Variants in UBE4B observed in about 807,000 individuals in gnomAD.
UBE4B encodes ubiquitin conjugation factor E4 B.
UBE4B carries 27 observed loss-of-function variants against 148.1 expected under a neutral mutation model. The ratio of observed to expected loss-of-function variants is 0.18; its 90% CI spans 0.13 to 0.25. The LOEUF (loss-of-function observed/expected upper bound fraction) is 0.25, where lower values mean the gene tolerates loss of function less well. UBE4B is among the 10% of genes least tolerant of loss of function. The pLI, the probability that UBE4B is intolerant of heterozygous loss-of-function variation, is 1.00. For missense variants in UBE4B, 1,170 were observed against 1,662.4 expected (o/e 0.70, Z 5.15); for synonymous variants, 596 against 619.3 (o/e 0.96, Z 0.56).
intron 21 of UBE4B, among the ~76,000 whole-genome samples, chr1:10,154,743 A>C (rs1397666342): frequency 1.3e-5 from 2 of 151,938 alleles, no homozygotes; most frequent in African/African-American, 4.8e-5. Context: ...TCTGGAGTCT[A>C]AGGCAGATGA....
At chr1:10,083,002 G>A (rs1005209435) in intron 2 of UBE4B, among the ~76,000 whole-genome samples, 3 of 151,984 alleles carry the variant, frequency 2.0e-5, no homozygotes, top group Middle Eastern at 3.4e-3. Flanking sequence ...TCTTTTTTAC[G>A]GCTGCATAGT....
Position 10,132,454 on chromosome 1 carries a change from A to G in UBE4B, c.1997A>G (p.Asn666Ser), listed in dbSNP as rs1406616128. Residue 666 changes from asparagine (N) to serine (S), a missense_variant, in exon 15 of 28, where the codon AAT (asparagine) becomes AGT (serine). Asn to Ser is a conservative substitution (Grantham distance 46, BLOSUM62 1). Coordinates refer to ENST00000343090, the MANE Select transcript of UBE4B (RefSeq NM_001105562.3). ...CTCAGTTACATGGCGGCTGTCGTCA[A>G]TGCCAATATGAAGAAAGCACAGATG... Reference protein sequence around the residue: ...AALSYMAAVVNANMKKAQMQT... With the variant: ...AALSYMAAVVSANMKKAQMQT... The G allele has an allele frequency of 3.1e-6, 5 of 1,614,202 alleles. No individual in the cohort carries two copies. Among genetic ancestry groups the G allele is most frequent in the Admixed American group, 1.7e-5 (1 of 60,018 alleles).
chr1:10,043,542 T>C (rs527281896), intron 1 of UBE4B, among the ~76,000 whole-genome samples: 13 of 148,030 alleles, frequency 8.8e-5, no homozygotes, highest in Non-Finnish European at 1.8e-4. Context: ...TTTTCCTGCC[T>C]CAGCCTCCCA....
intron 7 of UBE4B, chr1:10,107,279 TGAA>T (rs974104438): frequency 1.6e-5 from 20 of 1,289,476 alleles, no homozygotes; most frequent in East Asian, 5.5e-5. Context: ...ACAGTAGTGA[TGAA>T]GAAGATGAAG....
In UBE4B at chr1:10,102,934, T is replaced by A. The variant is rs769753754; in HGVS notation, c.436-14T>A. The A allele has an allele frequency of 1.9e-6, 3 of 1,595,990 alleles. No individual in the cohort carries two copies. Among genetic ancestry groups the A allele is most frequent in the Middle Eastern group, 1.7e-4 (1 of 5,842 alleles). On this transcript the variant is annotated splice_polypyrimidine_tract_variant and intron_variant, in intron 4 of 27. Transcript: ENST00000343090. ...CTTATTTGAAATTAACCTGCAAATC[T>A]TCTTCTTCACCAGGAGCCTTCCTCG...
intron 23 of UBE4B, among the ~76,000 whole-genome samples, chr1:10,167,318 A>G (rs1571021260): frequency 6.6e-6 from 1 of 151,660 alleles, no homozygotes; most frequent in East Asian, 2.0e-4. Flanking sequence ...ACATGCCTGT[A>G]GTCCCAGCTA....
chr1:10,083,794 A>G lies in UBE4B; in HGVS notation c.211+11580A>G, dbSNP rs532148931. Among the ~76,000 whole-genome samples, 6 of 152,280 alleles carry G rather than the reference A, an allele frequency of 3.9e-5. No homozygotes were observed. In the East Asian group the frequency reaches 7.7e-4, roughly 20 times the overall value. On this transcript the variant is annotated intron_variant, in intron 2 of 27. Coordinates refer to ENST00000343090, the MANE Select transcript of UBE4B (RefSeq NM_001105562.3). ...TGGAACAGGTGTGTCCTATGCTGGCATGGGTACTTCCTCGAATTGGACTGG... is the reference window on the plus strand; with the variant it reads ...TGGAACAGGTGTGTCCTATGCTGGCGTGGGTACTTCCTCGAATTGGACTGG...
intron 1 of UBE4B, among the ~76,000 whole-genome samples, chr1:10,063,236 C>T (rs541428650): frequency 1.3e-5 from 2 of 152,202 alleles, no homozygotes; most frequent in African/African-American, 4.8e-5. Flanking sequence ...CCTCTGCACT[C>T]CCGCCTGGGT....
rs765526877 is a variant in UBE4B at position 10,129,374 on chromosome 1, C to T, written c.1639-18C>T. ...TTTAAGATGAAATGCATTTAAATGA[C>T]TCTGATCTTATTTCTAGGCACTAGG... On this transcript the variant is annotated intron_variant, in intron 11 of 27. Coordinates refer to ENST00000343090, the MANE Select transcript of UBE4B (RefSeq NM_001105562.3). 19 of 1,607,008 alleles carry T rather than the reference C, an allele frequency of 1.2e-5. No individual in the cohort carries two copies. Among genetic ancestry groups the T allele is most frequent in the Non-Finnish European group, 1.4e-5 (17 of 1,174,108 alleles).
At chr1:10,142,457 G>A (rs1645798129) in intron 17 of UBE4B, among the ~76,000 whole-genome samples, 1 of 152,106 alleles carries the variant, frequency 6.6e-6, no homozygotes, top group Admixed American at 6.5e-5. Flanking sequence ...GATCACATGA[G>A]GTCAGGAGTT....
At chr1:10,057,420 CTTTT>C (rs1359827824) in intron 1 of UBE4B, among the ~76,000 whole-genome samples, 4 of 132,910 alleles carry the variant, frequency 3.0e-5, no homozygotes, top group African/African-American at 8.3e-5. Context: ...AGTCTTTTCT[CTTTT>C]TTTTTTTTTT....
chr1:10,154,231 G>C (rs971688297), intron 21 of UBE4B, among the ~76,000 whole-genome samples: 1 of 151,748 alleles, frequency 6.6e-6, no homozygotes, highest in Non-Finnish European at 1.5e-5. Flanking sequence ...GACAGAGCAA[G>C]ACTTCATCTC....
chr1:10,083,546 T>G (rs986511186), intron 2 of UBE4B, among the ~76,000 whole-genome samples: 3 of 152,214 alleles, frequency 2.0e-5, no homozygotes, highest in Admixed American at 6.5e-5. Context: ...TATCATTGAT[T>G]GCTATATTAA....
chr1:10,114,094 A>AG (rs1645266810), intron 7 of UBE4B, among the ~76,000 whole-genome samples: 1 of 150,326 alleles, frequency 6.7e-6, no homozygotes, highest in Non-Finnish European at 1.5e-5. Flanking sequence ...AAAAAAAAAA[A>AG]GATGCGTTTC....
In UBE4B at chr1:10,145,108, C is replaced by A. The variant is rs1002061124; in HGVS notation, c.2463+69C>A. ...GATAATTTTCCCAACAGAATATATG[C>A]CTTGAGTGAGCAGTTTAGTGTCCTC... On this transcript the variant is annotated intron_variant, in intron 18 of 27. Coordinates refer to ENST00000343090, the MANE Select transcript of UBE4B (RefSeq NM_001105562.3). 4.9e-5 allele frequency: 61 copies of A among 1,240,326 alleles called. No individual in the cohort carries two copies. The African/African-American group carries it at 7.0e-4, about 14-fold the overall frequency. The allele number at this position is 1,240,326 out of a possible 1,614,324, so 76.8% of individuals were successfully genotyped here.
At chr1:10,070,815 G>T (rs1449742675) in intron 1 of UBE4B, among the ~76,000 whole-genome samples, 1 of 152,148 alleles carries the variant, frequency 6.6e-6, no homozygotes, top group Non-Finnish European at 1.5e-5. Context: ...AGTAAAAAAA[G>T]AAAATCTGAT....
Position 10,102,391 on chromosome 1 carries a change from C to CTTT in UBE4B, c.436-522_436-520dup, listed in dbSNP as rs33997625. ...GGTGACTTTTGATAATGACTTTGCT[C>CTTT]TTTTTTTTTTTTTTTTTTTTTTTTT... On this transcript the variant is annotated intron_variant, in intron 4 of 27. Coordinates refer to ENST00000343090, the MANE Select transcript of UBE4B (RefSeq NM_001105562.3). Among the ~76,000 whole-genome samples the CTTT allele has an allele frequency of 2.6e-3, 135 of 51,564 alleles. 43 individuals are homozygous for CTTT. The highest frequency in any genetic ancestry group is 3.5e-3 in the Non-Finnish European group (90 of 25,528). 33.8% of individuals were successfully genotyped at this position (51,564 alleles called of 152,430 possible).
At chr1:10,056,848 A>T (rs1260379467) in intron 1 of UBE4B, among the ~76,000 whole-genome samples, 2 of 152,134 alleles carry the variant, frequency 1.3e-5, no homozygotes, top group African/African-American at 4.8e-5. Flanking sequence ...TATTCATGAG[A>T]CAAGGCCTCA....
chr1:10,115,428 C>T (rs1384101375), intron 7 of UBE4B, among the ~76,000 whole-genome samples: 13 of 151,996 alleles, frequency 8.6e-5, no homozygotes, highest in Non-Finnish European at 1.3e-4. Flanking sequence ...GCCACCATGC[C>T]TGGCTAATTT....
Sources: gnomAD v4.1 joint callset for allele counts (sites outside exome capture counted in the v4.1 genomes callset) on GRCh38, gnomAD v4.1.1 for gene constraint, MANE v1.5 for transcripts, NCBI Gene and HGNC (gene_info 2026-07-23, HGNC 2026-07-21) for gene names.